Variants in AFG2A observed in about 807,000 individuals in gnomAD.
AFG2A encodes the protein AAA ATPase AFG2A.
chr4:123,105,121 G>T, the AFG2A span, among the ~76,000 whole-genome samples: 1 of 152,150 alleles, frequency 6.6e-6, no homozygotes, highest in African/African-American at 2.4e-5. Flanking sequence ...GTTGTTAGGG[G>T]CTAATGCAGC....
At chr4:123,071,092 A>G in the AFG2A span, among the ~76,000 whole-genome samples, 1 of 152,222 alleles carries the variant, frequency 6.6e-6, no homozygotes, top group African/African-American at 2.4e-5. Flanking sequence ...GATTATGTTT[A>G]TGATATCAGT....
the AFG2A span, among the ~76,000 whole-genome samples, chr4:123,251,483 G>A: frequency 3.3e-5 from 5 of 152,030 alleles, no homozygotes; most frequent in South Asian, 4.1e-4. Context: ...AGATTTCAGC[G>A]CAGTTTCTGT....
At chr4:123,127,961 G>C in the AFG2A span, among the ~76,000 whole-genome samples, 1 of 152,124 alleles carries the variant, frequency 6.6e-6, no homozygotes, top group Non-Finnish European at 1.5e-5. Context: ...AAAAAATACA[G>C]TTTATACTAA....
At chr4:123,184,936 A>G in the AFG2A span, among the ~76,000 whole-genome samples, 110 of 152,298 alleles carry the variant, frequency 7.2e-4, no homozygotes, top group South Asian at 1.5e-3. Context: ...CAAATTTCCC[A>G]GAGGCAGTCA....
the AFG2A span, among the ~76,000 whole-genome samples, chr4:123,205,274 C>T: frequency 1.3e-5 from 2 of 151,536 alleles, no homozygotes; most frequent in African/African-American, 4.8e-5. Context: ...CCATACATTT[C>T]AGAATCAGAT....
chr4:123,242,795 C>T, the AFG2A span, among the ~76,000 whole-genome samples: 6 of 152,062 alleles, frequency 3.9e-5, no homozygotes, highest in East Asian at 5.8e-4. Flanking sequence ...AAGAAACTAC[C>T]ATCAGAGTGA....
chr4:123,037,861 C>T, the AFG2A span, among the ~76,000 whole-genome samples: 2 of 152,020 alleles, frequency 1.3e-5, no homozygotes, highest in African/African-American at 2.4e-5. Flanking sequence ...GGACTTAGAA[C>T]AGGACATCAT....
chr4:123,275,143 A>C, the AFG2A span, among the ~76,000 whole-genome samples: 45 of 152,238 alleles, frequency 3.0e-4, no homozygotes, highest in South Asian at 7.1e-3. Context: ...TTCAAGTTAA[A>C]TGTGAACAAC....
the AFG2A span, among the ~76,000 whole-genome samples, chr4:123,114,336 C>T: frequency 6.6e-6 from 1 of 152,178 alleles, no homozygotes; most frequent in African/African-American, 2.4e-5. Flanking sequence ...CTGCCCTGCC[C>T]CTTCCCACCC....
the AFG2A span, among the ~76,000 whole-genome samples, chr4:123,168,526 T>C: frequency 2.0e-5 from 3 of 152,140 alleles, no homozygotes; most frequent in Non-Finnish European, 4.4e-5. Context: ...CTACTTTGCC[T>C]TTTCTCCTGG....
the AFG2A span, among the ~76,000 whole-genome samples, chr4:123,232,328 T>C: frequency 6.6e-6 from 1 of 151,932 alleles, no homozygotes; most frequent in Non-Finnish European, 1.5e-5. Context: ...AGCCAGCAAG[T>C]AACAATGCAT....
At chr4:123,206,749 T>C in the AFG2A span, among the ~76,000 whole-genome samples, 2 of 152,198 alleles carry the variant, frequency 1.3e-5, no homozygotes, top group Admixed American at 6.5e-5. Flanking sequence ...TTATATGAGA[T>C]ACAATTTATA....
At chr4:123,246,426 C>CT in the AFG2A span, among the ~76,000 whole-genome samples, 1 of 152,170 alleles carries the variant, frequency 6.6e-6, no homozygotes, top group African/African-American at 2.4e-5. Context: ...AAGCCTGTCT[C>CT]TTTCCTCATT....
At chr4:123,196,656 AG>A in the AFG2A span, among the ~76,000 whole-genome samples, 1 of 152,304 alleles carries the variant, frequency 6.6e-6, no homozygotes, top group East Asian at 1.9e-4. Context: ...TTTGTTGATC[AG>A]ATGCAACTAG....
the AFG2A span, among the ~76,000 whole-genome samples, chr4:122,982,273 G>A: frequency 7.2e-5 from 11 of 152,018 alleles, no homozygotes; most frequent in South Asian, 8.3e-4. Flanking sequence ...TTTATTCTTC[G>A]TCCTTTTAAG....
chr4:123,032,600 G>T, the AFG2A span, among the ~76,000 whole-genome samples: 3 of 152,318 alleles, frequency 2.0e-5, no homozygotes, highest in Non-Finnish European at 2.9e-5. Flanking sequence ...ATTTTTAGTA[G>T]AGACGGGGTT....
the AFG2A span, among the ~76,000 whole-genome samples, chr4:123,232,238 C>T: frequency 6.6e-6 from 1 of 151,916 alleles, no homozygotes; most frequent in African/African-American, 2.4e-5. Flanking sequence ...ATGGGTGGAA[C>T]AGTGAAGACG....
At chr4:123,107,465 GGAC>G in the AFG2A span, among the ~76,000 whole-genome samples, 1 of 152,170 alleles carries the variant, frequency 6.6e-6, no homozygotes, top group Non-Finnish European at 1.5e-5. Context: ...GGCTCAGAAG[GGAC>G]AGAGTGCATG....
chr4:123,129,359 A>G, the AFG2A span, among the ~76,000 whole-genome samples: 5 of 152,206 alleles, frequency 3.3e-5, no homozygotes, highest in Non-Finnish European at 5.9e-5. Flanking sequence ...TAAGAGCATA[A>G]CCCATAAATT....
Sources: allele counts gnomAD v4.1 joint callset (sites outside exome capture counted in the v4.1 genomes callset), GRCh38; gene constraint gnomAD v4.1.1; transcripts MANE v1.5; gene names NCBI Gene and HGNC (gene_info 2026-07-23, HGNC 2026-07-21).